Variants in DCX observed in about 807,000 individuals in gnomAD.
DCX encodes neuronal migration protein doublecortin.
DCX carries 4 observed loss-of-function variants against 20.9 expected under a neutral mutation model. The ratio of observed to expected loss-of-function variants is 0.19; its 90% CI spans 0.09 to 0.44. The LOEUF (loss-of-function observed/expected upper bound fraction) is 0.44, where lower values mean the gene tolerates loss of function less well. Among genes scored for constraint, DCX ranks in the 20% least tolerant of loss-of-function variants. DCX has a pLI of 0.99. For synonymous variants in DCX, 103 were observed against 111.4 expected, an observed-to-expected ratio of 0.92 and a Z score of 0.47; for missense variants, 133 against 296.9, an observed-to-expected ratio of 0.45 and a Z score of 4.06.
At chrX:111,319,172 G>A (rs916631270) in intron 5 of DCX, among the ~76,000 whole-genome samples, 7 of 111,947 alleles carry the variant, frequency 6.3e-5, no homozygotes, top group East Asian at 2.8e-4. Context: ...AGTCACAGAA[G>A]AATTTTAAGC....
intron 3 of DCX, among the ~76,000 whole-genome samples, chrX:111,335,803 C>T (rs1044540481): frequency 6.4e-5 from 7 of 110,115 alleles, no homozygotes; most frequent in Admixed American, 1.9e-4. Flanking sequence ...AAAACTAGTC[C>T]GGCGTGGTGG....
intron 5 of DCX, among the ~76,000 whole-genome samples, chrX:111,328,166 C>G (rs773805106): frequency 8.1e-5 from 9 of 111,713 alleles, no homozygotes; most frequent in African/African-American, 2.9e-4. Flanking sequence ...ATTGGTTACT[C>G]TGTTTATCGT....
Position 111,300,257 on chromosome X carries a change from A to G in DCX, c.*1430T>C, listed in dbSNP as rs893513809. On this transcript the variant is annotated 3_prime_UTR_variant, in exon 7 of 7. Coordinates refer to ENST00000636035, the MANE Select transcript of DCX (RefSeq NM_001195553.2). ...TTGCCATTATGGGCTATGATTACAG[A>G]AAAAAAAAAGCAGTGTTATAAACCT... is the stretch of plus-strand genomic sequence containing the variant. 9.1e-6 allele frequency: 1 copy of G among 109,444 alleles called. No individual in the cohort carries two copies. Among genetic ancestry groups the G allele is most frequent in the African/African-American group, 3.3e-5 (1 of 30,053 alleles). 9.0% of individuals were successfully genotyped at this position (109,444 alleles called of 1,213,427 possible). A position where few individuals can be genotyped will look rare whatever the true frequency, so the allele number is the denominator to read the frequency against.
At chrX:111,326,740 C>T (rs1292860433) in intron 5 of DCX, among the ~76,000 whole-genome samples, 1 of 111,509 alleles carries the variant, frequency 9.0e-6, no homozygotes, top group Non-Finnish European at 1.9e-5. Flanking sequence ...CCATTTGGGG[C>T]AAACTCAATA....
chrX:111,389,276 T>C (rs1009782093), intron 3 of DCX, among the ~76,000 whole-genome samples: 1 of 111,300 alleles, frequency 9.0e-6, no homozygotes, highest in African/African-American at 3.3e-5. Flanking sequence ...TCTGGATACA[T>C]CTTCATCTAG....
chrX:111,320,496 C>T (rs1037651609), intron 5 of DCX, among the ~76,000 whole-genome samples: 8 of 111,704 alleles, frequency 7.2e-5, no homozygotes, highest in Non-Finnish European at 1.3e-4. Flanking sequence ...GCTAACCATC[C>T]TTAGCTCTTG....
intron 4 of DCX, among the ~76,000 whole-genome samples, chrX:111,332,508 C>A (rs2206245): frequency 0.15 from 16,341 of 111,035 alleles, 2,902 homozygotes; most frequent in African/African-American, 0.5. Context: ...GGACTCAAAC[C>A]AAGGGAGATG....
chrX:111,319,407 T>G (rs770131979), intron 5 of DCX, among the ~76,000 whole-genome samples: 44 of 111,205 alleles, frequency 4.0e-4, no homozygotes, highest in African/African-American at 1.4e-3. Flanking sequence ...TAGAGTAGTG[T>G]GTTTATATAC....
At chrX:111,317,535 G>GA (rs959517028) in intron 5 of DCX, among the ~76,000 whole-genome samples, 10 of 101,739 alleles carry the variant, frequency 9.8e-5, no homozygotes, top group African/African-American at 2.5e-4. Context: ...AAAAGCAATT[G>GA]AAAAAAAAAA....
In DCX at chrX:111,349,125, T is replaced by A. The variant is rs185854753; in HGVS notation, c.706-15972A>T. On this transcript the variant is annotated intron_variant, in intron 3 of 6. Coordinates refer to ENST00000636035, the MANE Select transcript of DCX (RefSeq NM_001195553.2). ...TAGATAGCTAGTTTTCTATATAGTT[T>A]AGGGGGGTTAAGGATTCCTTTGAAG... Among the ~76,000 whole-genome samples the A allele has an allele frequency of 2.7e-5, 3 of 111,682 alleles. No individual in the cohort carries two copies. The East Asian group carries it at 8.5e-4, about 32-fold the overall frequency.
chrX:111,310,055 C>G (rs2095053928), intron 6 of DCX, among the ~76,000 whole-genome samples: 1 of 112,503 alleles, frequency 8.9e-6, no homozygotes, highest in Admixed American at 9.4e-5. Flanking sequence ...AAAATAGGCC[C>G]AGTGCGGTGG....
At chrX:111,402,000 G>C (rs1927830571) in intron 2 of DCX, among the ~76,000 whole-genome samples, 1 of 112,021 alleles carries the variant, frequency 8.9e-6, no homozygotes, top group Non-Finnish European at 1.9e-5. Context: ...ACACTAGGTA[G>C]AGAAACTGTC....
chrX:111,323,276 C>T (rs1009507035), intron 5 of DCX, among the ~76,000 whole-genome samples: 1 of 112,041 alleles, frequency 8.9e-6, no homozygotes, highest in Non-Finnish European at 1.9e-5. Flanking sequence ...AACCTAACCT[C>T]TCTGAGTCTC....
chrX:111,374,921 T>C (rs1006050743), intron 3 of DCX, among the ~76,000 whole-genome samples: 1 of 106,126 alleles, frequency 9.4e-6, no homozygotes, highest in African/African-American at 3.5e-5. Flanking sequence ...GCCGGCATAA[T>C]ACTCAGCAAT....
chrX:111,344,351 C>G (rs111566432), intron 3 of DCX, among the ~76,000 whole-genome samples: 189 of 111,917 alleles, frequency 1.7e-3, no homozygotes, highest in African/African-American at 5.8e-3. Context: ...CCCTCTCTTA[C>G]CATTCCTATT....
At chrX:111,387,292 T>C (rs1926596607) in intron 3 of DCX, among the ~76,000 whole-genome samples, 1 of 111,898 alleles carries the variant, frequency 8.9e-6, no homozygotes, top group African/African-American at 3.2e-5. Flanking sequence ...TAAAATGTAA[T>C]ATTAATATAT....
At chrX:111,314,687 A>T (rs2147599044) in intron 5 of DCX, among the ~76,000 whole-genome samples, 1 of 111,641 alleles carries the variant, frequency 9.0e-6, no homozygotes, top group Admixed American at 9.5e-5. Context: ...TAAATTAGTA[A>T]ATTATATGTT....
intron 3 of DCX, among the ~76,000 whole-genome samples, chrX:111,352,841 G>C (rs757544989): frequency 4.3e-4 from 28 of 64,778 alleles, no homozygotes; most frequent in Admixed American, 4.3e-4. Context: ...GACAGACAGA[G>C]AGAGAGAGAG....
intron 1 of DCX, chrX:111,411,105 C>T (rs753998217): frequency 1.8e-6 from 1 of 544,940 alleles, no homozygotes; most frequent in East Asian, 3.6e-5. Flanking sequence ...AACCCTTTCC[C>T]CACCAAGCTG....
Sources: gnomAD v4.1 joint callset for allele counts (sites outside exome capture counted in the v4.1 genomes callset) on GRCh38, gnomAD v4.1.1 for gene constraint, MANE v1.5 for transcripts, NCBI Gene and HGNC (gene_info 2026-07-23, HGNC 2026-07-21) for gene names.